TGIF1: variants seen among roughly 807,000 people sequenced by gnomAD.
The protein encoded by TGIF1 is TGFB induced factor homeobox 1.
In TGIF1, 4 loss-of-function variants were observed where a neutral mutation model predicts 19.3. That is an observed-to-expected ratio of 0.21 (90% confidence interval 0.10 to 0.47). The LOEUF (loss-of-function observed/expected upper bound fraction) is 0.47. Among genes scored for constraint, TGIF1 ranks in the 20% least tolerant of loss-of-function variants. The pLI, the probability that TGIF1 is intolerant of heterozygous loss-of-function variation, is 0.98. For missense variants in TGIF1, 275 were observed against 341.4 expected (o/e 0.81, Z 1.53); for synonymous variants, 122 against 129.3 (o/e 0.94, Z 0.38).
intron 1 of TGIF1, among the ~76,000 whole-genome samples, chr18:3,453,060 G>C (rs1015025462): frequency 6.6e-6 from 1 of 152,114 alleles, no homozygotes; most frequent in African/African-American, 2.4e-5. Flanking sequence ...TTGGTGGCTT[G>C]AGTGTTCAAT....
chr18:3,448,174 G>A, upstream of TGIF1: 1 of 983,670 alleles, frequency 1.0e-6, no homozygotes, highest in South Asian at 4.8e-5. Context: ...AGCAAACAAA[G>A]CGTCTCCCCA....
chr18:3,423,390 AG>A (rs971605667), intron 2 of TGIF1, among the ~76,000 whole-genome samples: 7 of 152,042 alleles, frequency 4.6e-5, no homozygotes, highest in African/African-American at 1.7e-4. Context: ...TACAAAAAAA[AG>A]TTTTAAGGCT....
chr18:3,457,979 T>C lies in TGIF1; in HGVS notation c.*39T>C. 1.3e-6 allele frequency: 2 copies of C among 1,574,474 alleles called. No individual in the cohort carries two copies. Among genetic ancestry groups the C allele is most frequent in the Non-Finnish European group, 1.7e-6 (2 of 1,157,004 alleles). On this transcript the variant is annotated 3_prime_UTR_variant, in exon 3 of 3. Transcript: ENST00000343820. This position sits in a 1 kb window ranked among gnomAD's most constrained non-coding sequence, Gnocchi z 4.9. ...AAAACAGTTCTCAGAAATGTCATGA[T>C]TGCCGGGGTGAAGGCAAGAGATGAA...
upstream of TGIF1, chr18:3,448,717 C>CTTTTTTTTTTTTTT (rs869086299): frequency 5.9e-4 from 151 of 255,896 alleles, 7 homozygotes; most frequent in African/African-American, 5.9e-3. Context: ...GCGGGGGTGT[C>CTTTTTTTTTTTTTT]TTTTTTTTTT....
At chr18:3,432,054 G>A (rs971914910) in intron 2 of TGIF1, among the ~76,000 whole-genome samples, 9 of 150,790 alleles carry the variant, frequency 6.0e-5, no homozygotes, top group Non-Finnish European at 1.0e-4. Context: ...CTTGAACCCA[G>A]GAGGCGGAGA....
chr18:3,430,580 G>A (rs2143187570), intron 2 of TGIF1, among the ~76,000 whole-genome samples: 1 of 152,126 alleles, frequency 6.6e-6, no homozygotes, highest in South Asian at 2.1e-4. Flanking sequence ...TTAGTTCACT[G>A]CAGCCTCCAC....
At chr18:3,428,093 G>A (rs964595762) in intron 2 of TGIF1, among the ~76,000 whole-genome samples, 2 of 152,180 alleles carry the variant, frequency 1.3e-5, no homozygotes, top group South Asian at 2.1e-4. Flanking sequence ...GATGTGGAAC[G>A]GATGCAGATA....
intron 1 of TGIF1, chr18:3,415,011 A>G (rs28376347): frequency 0.028 from 4,335 of 152,706 alleles, 194 homozygotes; most frequent in African/African-American, 0.097. Context: ...CATGTAAAAA[A>G]TTTTGCATAT....
At chr18:3,448,077 G>T (rs867316651), upstream of TGIF1, 72 of 977,420 alleles carry the variant, frequency 7.4e-5, no homozygotes, top group East Asian at 1.2e-4. Flanking sequence ...AGCGGGCGGG[G>T]GGGGAGGTAG....
chr18:3,439,424 G>A (rs1053407717), intron 2 of TGIF1, among the ~76,000 whole-genome samples: 1 of 145,370 alleles, frequency 6.9e-6, no homozygotes, highest in East Asian at 2.0e-4. Context: ...TCGGCTCACC[G>A]CAACCTCCTC....
At chr18:3,430,346 A>C (rs1031646304) in intron 2 of TGIF1, among the ~76,000 whole-genome samples, 2 of 152,164 alleles carry the variant, frequency 1.3e-5, no homozygotes, top group Non-Finnish European at 2.9e-5. Context: ...AAACAATGCT[A>C]TCCTTCTTTC....
At chr18:3,420,459 C>T (rs564828905) in intron 2 of TGIF1, among the ~76,000 whole-genome samples, 77 of 152,014 alleles carry the variant, frequency 5.1e-4, no homozygotes, top group African/African-American at 1.6e-3. Flanking sequence ...AGAATAAGAG[C>T]AATGAAATAA....
upstream of TGIF1, chr18:3,448,525 C>T (rs1325055206): frequency 3.0e-6 from 3 of 989,112 alleles, no homozygotes; most frequent in South Asian, 4.6e-5. Context: ...CCGCGCTCCC[C>T]CCGAGCCGTT....
At chr18:3,424,250 T>G (rs1439589051) in intron 2 of TGIF1, among the ~76,000 whole-genome samples, 1 of 152,190 alleles carries the variant, frequency 6.6e-6, no homozygotes, top group South Asian at 2.1e-4. Context: ...TTTTGTTGTT[T>G]TTTTTTAATG....
rs767740402 is a variant in TGIF1 at position 3,452,432 on chromosome 18, G to C, written c.16+1927G>C. 2.5e-6 allele frequency: 4 copies of C among 1,612,110 alleles called. No homozygotes were observed. In the East Asian group the frequency reaches 8.9e-5, roughly 36 times the overall value. On this transcript the variant is annotated intron_variant, in intron 1 of 2. Coordinates refer to ENST00000343820, the MANE Select transcript of TGIF1 (RefSeq NM_003244.4). ...GCGACTGGTTCAGGGCTCTTTGGGG[G>C]AGCCGAGGCTGCCGAGGTTACCCGG... is the stretch of plus-strand genomic sequence containing the variant.
At chr18:3,445,667 T>TGAGCC (rs2082731989), upstream of TGIF1, among the ~76,000 whole-genome samples, 1 of 128,134 alleles carries the variant, frequency 7.8e-6, no homozygotes, top group Admixed American at 1.0e-4. Flanking sequence ...GAGCTTGCAG[T>TGAGCC]GAGCCGAGAT....
intron 2 of TGIF1, among the ~76,000 whole-genome samples, chr18:3,421,965 G>A (rs2082404107): frequency 6.6e-6 from 1 of 152,002 alleles, no homozygotes; most frequent in Admixed American, 6.6e-5. Flanking sequence ...AGGCTGAGGT[G>A]AGCAGATCAC....
intron 2 of TGIF1, among the ~76,000 whole-genome samples, chr18:3,425,912 C>A (rs115527764): frequency 1.1e-3 from 166 of 152,204 alleles, no homozygotes; most frequent in African/African-American, 3.8e-3. Context: ...GAATCTCTTG[C>A]GGAATTGATT....
intron 2 of TGIF1, among the ~76,000 whole-genome samples, chr18:3,442,204 G>C (rs3866991): frequency 0.63 from 96,063 of 152,016 alleles, 31,478 homozygotes; most frequent in East Asian, 0.9. Context: ...AAAACTTGCA[G>C]AAATTTCTGT....
Sources: allele counts gnomAD v4.1 joint callset (sites outside exome capture counted in the v4.1 genomes callset), GRCh38; gene constraint gnomAD v4.1.1; non-coding constraint Gnocchi (gnomAD v3.1); transcripts MANE v1.5; gene names NCBI Gene and HGNC (gene_info 2026-07-23, HGNC 2026-07-21).